The following NHERF2 variants were observed in gnomAD, a reference collection of about 807,000 sequenced individuals.
The protein encoded by NHERF2 is NHERF family PDZ scaffold protein 2, also known as Na(+)/H(+) exchange regulatory cofactor NHE-RF2.
At chr16:2,030,553 G>A in the NHERF2 span, among the ~76,000 whole-genome samples, 9 of 152,052 alleles carry the variant, frequency 5.9e-5, no homozygotes, top group Non-Finnish European at 1.0e-4. Flanking sequence ...AGGAGGAACA[G>A]CCTGAAGCTG....
At chr16:2,034,856 G>A in the NHERF2 span, among the ~76,000 whole-genome samples, 1 of 152,280 alleles carries the variant, frequency 6.6e-6, no homozygotes, top group African/African-American at 2.4e-5. Context: ...GCCGTGCTGT[G>A]ACTGCATCCC....
chr16:2,030,378 C>T, the NHERF2 span, among the ~76,000 whole-genome samples: 10 of 152,234 alleles, frequency 6.6e-5, no homozygotes, highest in Admixed American at 2.6e-4. Context: ...AAGGGAGGGC[C>T]CTGGGACCCT....
the NHERF2 span, among the ~76,000 whole-genome samples, chr16:2,030,939 A>G: frequency 1.3e-5 from 2 of 151,140 alleles, no homozygotes; most frequent in African/African-American, 4.9e-5. Flanking sequence ...AGACTGTCTC[A>G]AAAAAAAACA....
At chr16:2,037,448 C>A in the NHERF2 span, 1 of 1,230,784 alleles carries the variant, frequency 8.1e-7, no homozygotes, top group African/African-American at 1.5e-5. Flanking sequence ...GAGGAGCACA[C>A]ACTGGGGGGG....
At chr16:2,033,053 T>G in the NHERF2 span, 2 of 1,293,886 alleles carry the variant, frequency 1.5e-6, no homozygotes, top group African/African-American at 1.5e-5. Context: ...CCGGGACTCC[T>G]CCCTGTCCCC....
At chr16:2,033,027 G>T in the NHERF2 span, 1 of 1,235,986 alleles carries the variant, frequency 8.1e-7, no homozygotes. Flanking sequence ...CAACAGGACC[G>T]TCCTGTGTTC....
chr16:2,033,173 G>C, the NHERF2 span: 45 of 1,430,368 alleles, frequency 3.1e-5, no homozygotes, highest in Non-Finnish European at 4.1e-5. Flanking sequence ...CCTTCGCAGG[G>C]GAGCGGGCTC....
chr16:2,036,383 T>A, the NHERF2 span: 12 of 1,610,530 alleles, frequency 7.5e-6, no homozygotes, highest in Non-Finnish European at 1.0e-5. Context: ...GAAAGGGACC[T>A]CAGGGCTATG....
chr16:2,038,355 CA>C, the NHERF2 span: 2 of 463,452 alleles, frequency 4.3e-6, no homozygotes, highest in Non-Finnish European at 8.3e-6. Flanking sequence ...GCTTTTTTTC[CA>C]AAAAGATCTC....
the NHERF2 span, chr16:2,029,794 T>C: frequency 1.3e-6 from 2 of 1,521,816 alleles, no homozygotes; most frequent in African/African-American, 1.4e-5. Context: ...TATGGCGGGC[T>C]TGGCCCACAG....
chr16:2,027,642 T>A, the NHERF2 span, among the ~76,000 whole-genome samples: 1 of 152,230 alleles, frequency 6.6e-6, no homozygotes, highest in East Asian at 1.9e-4. Context: ...TGCGCCTGCC[T>A]GTGCGTACCC....
the NHERF2 span, chr16:2,038,442 C>T: frequency 4.1e-5 from 15 of 362,340 alleles, no homozygotes; most frequent in East Asian, 7.8e-4. Flanking sequence ...CCTTGGGACG[C>T]GCTCTAAATA....
At chr16:2,029,725 G>C in the NHERF2 span, 22 of 1,556,692 alleles carry the variant, frequency 1.4e-5, no homozygotes, top group East Asian at 3.6e-4. Context: ...ACGACCCCTG[G>C]GAGCCGAAGC....
the NHERF2 span, chr16:2,035,575 G>C: frequency 3.0e-6 from 3 of 987,510 alleles, no homozygotes; most frequent in Non-Finnish European, 3.6e-6. Context: ...AACTGAGCAC[G>C]GGCAGCCGCT....
At chr16:2,032,803 CG>C in the NHERF2 span, 1 of 996,484 alleles carries the variant, frequency 1.0e-6, no homozygotes, top group Non-Finnish European at 1.2e-6. This position sits in a 1 kb window ranked among gnomAD's most constrained non-coding sequence, Gnocchi z 4.0. Flanking sequence ...CAAACAGAGA[CG>C]GGGTGGCCAG....
the NHERF2 span, chr16:2,036,524 C>T: frequency 2.1e-5 from 33 of 1,565,162 alleles, no homozygotes; most frequent in South Asian, 8.1e-5. Context: ...ACCAGGGCTG[C>T]GGGGTGCCGA....
At chr16:2,037,796 C>G in the NHERF2 span, 1 of 1,562,576 alleles carries the variant, frequency 6.4e-7, no homozygotes, top group Non-Finnish European at 8.7e-7. Context: ...GGGCTCACTC[C>G]AGACACCCCA....
the NHERF2 span, chr16:2,032,888 C>T: frequency 9.7e-7 from 1 of 1,031,586 alleles, no homozygotes; most frequent in Non-Finnish European, 1.2e-6. The surrounding 1 kb of genome is among the most constrained non-coding windows in gnomAD (Gnocchi z 4.0). Flanking sequence ...TCTCCACCCC[C>T]ATCTGGAGGG....
the NHERF2 span, chr16:2,037,042 G>C: frequency 1.9e-6 from 3 of 1,546,176 alleles, no homozygotes; most frequent in Non-Finnish European, 2.6e-6. Context: ...GCCTCTGGGG[G>C]TACCCAGGCC....
Sources: gnomAD v4.1 joint callset for allele counts (sites outside exome capture counted in the v4.1 genomes callset) on GRCh38, gnomAD v4.1.1 for gene constraint, Gnocchi (gnomAD v3.1) non-coding constraint, MANE v1.5 for transcripts, NCBI Gene and HGNC (gene_info 2026-07-23, HGNC 2026-07-21) for gene names.